OAF: variants seen among roughly 807,000 people sequenced by gnomAD.
OAF encodes out at first homolog.
Under a neutral mutation model 22.5 loss-of-function variants are expected in OAF, and 13 were observed. The observed-to-expected ratio is 0.58, with a 90% CI of 0.38 to 0.92. The LOEUF is 0.92. Among genes scored for constraint, OAF ranks in the 40% least tolerant of loss-of-function variants. The pLI, the probability that OAF is intolerant of heterozygous loss-of-function variation, is 0.00. For missense variants in OAF, 347 were observed against 381.8 expected (o/e 0.91, Z 0.76); for synonymous variants, 175 against 170.5 (o/e 1.03, Z -0.21).
intron 1 of OAF, among the ~76,000 whole-genome samples, chr11:120,216,868 C>G (rs977159496): frequency 2.0e-5 from 3 of 152,214 alleles, no homozygotes; most frequent in Admixed American, 6.5e-5. Context: ...GTGAGGATTG[C>G]ATAGGGTCTG....
chr11:120,218,821 C>G (rs1005612830), intron 1 of OAF, among the ~76,000 whole-genome samples: 1 of 152,086 alleles, frequency 6.6e-6, no homozygotes, highest in African/African-American at 2.4e-5. Flanking sequence ...CGGGCCTCCC[C>G]CCAAACCCCA....
At chr11:120,227,047 G>C (rs1447429064) in intron 3 of OAF, 51 bp downstream of exon 3, 3 of 1,398,672 alleles carry the variant, frequency 2.1e-6, no homozygotes, top group Non-Finnish European at 3.0e-6. Context: ...GAAGGGGACA[G>C]GGAGACAGCA....
chr11:120,213,455 C>T (rs935013583), intron 1 of OAF, among the ~76,000 whole-genome samples: 4 of 152,176 alleles, frequency 2.6e-5, no homozygotes, highest in African/African-American at 9.7e-5. Context: ...CCATTTCATA[C>T]CCACCTCTGG....
chr11:120,214,616 A>G (rs1938187293), intron 1 of OAF, among the ~76,000 whole-genome samples: 1 of 152,176 alleles, frequency 6.6e-6, no homozygotes, highest in Non-Finnish European at 1.5e-5. Flanking sequence ...GATGGGACCA[A>G]GGCTTCTGTC....
chr11:120,227,276 A>T (rs149398861), intron 3 of OAF, among the ~76,000 whole-genome samples: 1 of 152,308 alleles, frequency 6.6e-6, no homozygotes, highest in East Asian at 1.9e-4. Flanking sequence ...ACAGGCGTTC[A>T]GGGAGGGACC....
At chr11:120,222,186 G>A (rs1013131199) in intron 1 of OAF, among the ~76,000 whole-genome samples, 1 of 152,180 alleles carries the variant, frequency 6.6e-6, no homozygotes, top group African/African-American at 2.4e-5. Context: ...ATGGAGTCCT[G>A]TTACCAAATA....
chr11:120,228,821 T>TACCAAACCAACCA, intron 3 of OAF, 47 bp from the exon 4 acceptor site: 1 of 520,278 alleles, frequency 1.9e-6, no homozygotes, highest in Admixed American at 2.4e-5. Context: ...GGGAGCTCCT[T>TACCAAACCAACCA]CCCTCCCTCC....
At chr11:120,218,016 G>A (rs997184131) in intron 1 of OAF, among the ~76,000 whole-genome samples, 1 of 152,214 alleles carries the variant, frequency 6.6e-6, no homozygotes, top group African/African-American at 2.4e-5. Flanking sequence ...ATGGAGACCC[G>A]TCTCAGGAGC....
chr11:120,216,833 C>T (rs1551240), intron 1 of OAF, among the ~76,000 whole-genome samples: 8,976 of 152,238 alleles, frequency 0.059, 1,075 homozygotes, highest in East Asian at 0.57. Flanking sequence ...ACTCCTGTTC[C>T]GCTGGCGGAG....
In OAF at chr11:120,226,821, T is replaced by C. The variant is rs1591360998; in HGVS notation, c.372T>C (p.Asn124=). 1.3e-6 allele frequency: 2 copies of C among 1,594,056 alleles called. No individual in the cohort carries two copies. The highest frequency in any genetic ancestry group is 1.7e-6 in the Non-Finnish European group (2 of 1,165,496). Residue 124 remains asparagine (N), a synonymous_variant, in exon 3 of 4, where the codon AAT becomes AAC. Transcript: ENST00000328965. The part of the protein sequence containing the change: ...SEAMAKLRQK[N]PRAVRQAEEV... ...GACTTCTCTCCCACACACAGAAAAA[T>C]CCCCGGGCAGTGCGGCAGGCGGAGG...
At chr11:120,215,403 G>A (rs529586532) in intron 1 of OAF, among the ~76,000 whole-genome samples, 6 of 152,190 alleles carry the variant, frequency 3.9e-5, no homozygotes, top group Non-Finnish European at 7.3e-5. Context: ...CTCTAGGGGA[G>A]GGGAGGGGAC....
intron 1 of OAF, chr11:120,213,696 TCA>T (rs1938178826): frequency 6.6e-6 from 1 of 152,218 alleles, no homozygotes; most frequent in Non-Finnish European, 1.5e-5. Context: ...GGGTCACCTC[TCA>T]GTTCTCAAGG....
chr11:120,216,098 T>G (rs1239658815), intron 1 of OAF, among the ~76,000 whole-genome samples: 1 of 152,044 alleles, frequency 6.6e-6, no homozygotes, highest in Non-Finnish European at 1.5e-5. Flanking sequence ...GGATGGAAGC[T>G]TGAGCCCTGT....
At chr11:120,227,235 G>T (rs1938372250) in intron 3 of OAF, among the ~76,000 whole-genome samples, 1 of 152,180 alleles carries the variant, frequency 6.6e-6, no homozygotes, top group African/African-American at 2.4e-5. Context: ...GATCTGCACA[G>T]AGTTAAGTGT....
chr11:120,216,441 G>A (rs189439410), intron 1 of OAF, among the ~76,000 whole-genome samples: 15 of 152,292 alleles, frequency 9.8e-5, no homozygotes, highest in South Asian at 4.1e-4. Flanking sequence ...AGGTGCTTTC[G>A]GGAGAGGCCC....
At chr11:120,223,377 G>A (rs7114392) in intron 1 of OAF, among the ~76,000 whole-genome samples, 5,891 of 152,212 alleles carry the variant, frequency 0.039, 377 homozygotes, top group African/African-American at 0.13. Flanking sequence ...AGCTCCTACC[G>A]CCTGTTGTAA....
At chr11:120,226,589 G>C (rs983687832) in intron 2 of OAF, among the ~76,000 whole-genome samples, 1 of 152,368 alleles carries the variant, frequency 6.6e-6, no homozygotes, top group Non-Finnish European at 1.5e-5. Context: ...CCAGTGGCCA[G>C]CACATAGTTT....
chr11:120,225,540 G>C (rs955460953), intron 1 of OAF, 121 bp from the exon 2 acceptor site: 1 of 750,294 alleles, frequency 1.3e-6, no homozygotes, highest in Non-Finnish European at 2.1e-6. Flanking sequence ...CCAGCAGGAG[G>C]GAGGTGTCTG....
Position 120,222,635 on chromosome 11 carries a change from C to T in OAF, c.232-3026C>T, listed in dbSNP as rs111273426. On this transcript the variant is annotated intron_variant, in intron 1 of 3. Transcript: ENST00000328965. ...TAGTTTAAAAAGTCCTGGCAGAGGCCGGGTGCAGTGGCTCACGCCTGTAAT... is the reference window on the plus strand; with the variant it reads ...TAGTTTAAAAAGTCCTGGCAGAGGCTGGGTGCAGTGGCTCACGCCTGTAAT... Among the ~76,000 whole-genome samples, 644 of 151,998 alleles carry T rather than the reference C, an allele frequency of 4.2e-3. 3 individuals carry two copies. The highest frequency in any genetic ancestry group is 0.015 in the African/African-American group (612 of 41,460).
Sources: gnomAD v4.1 joint callset for allele counts (sites outside exome capture counted in the v4.1 genomes callset) on GRCh38, gnomAD v4.1.1 for gene constraint, MANE v1.5 for transcripts, NCBI Gene and HGNC (gene_info 2026-07-23, HGNC 2026-07-21) for gene names.